Variants in TRDN observed in about 807,000 individuals in gnomAD.
The protein encoded by TRDN is triadin in skeletal muscle.
TRDN carries 161 observed loss-of-function variants against 149.7 expected under a neutral mutation model. That is an observed-to-expected ratio of 1.08 (90% CI 0.95 to 1.23). TRDN has a LOEUF of 1.23. Among genes scored for constraint, TRDN ranks in the 50% most tolerant of loss-of-function variants. The pLI is 0.00. For missense variants in TRDN, 896 were observed against 823.5 expected, an observed-to-expected ratio of 1.09 and a Z score of -1.08; for synonymous variants, 294 against 250.5, an observed-to-expected ratio of 1.17 and a Z score of -1.64.
intron 10 of TRDN, among the ~76,000 whole-genome samples, chr6:123,454,854 A>G (rs1202853876): frequency 6.6e-6 from 1 of 152,028 alleles, no homozygotes; most frequent in African/African-American, 2.4e-5. Context: ...CCCTCCTCTC[A>G]CCCCTGTCCC....
chr6:123,382,121 C>G lies in TRDN; in HGVS notation c.1162G>C (p.Glu388Gln). Residue 388 changes from glutamate (E) to glutamine (Q), a missense_variant, in exon 15 of 41, where the codon GAA becomes CAA. By Grantham distance (29) the Glu-to-Gln change is conservative (BLOSUM62 2). Coordinates refer to ENST00000334268, the MANE Select transcript of TRDN (RefSeq NM_006073.4). ...AAAAAAGAAATATGTCCAGTACCTTCTGCAGGTTTTTTTGTTTTCTTGGAA... is the reference window on the plus strand; with the variant it reads ...AAAAAAGAAATATGTCCAGTACCTTGTGCAGGTTTTTTTGTTTTCTTGGAA... Reference protein sequence around the residue: ...EDSKKTKKPAEVEQPKGKKQE... With the variant: ...EDSKKTKKPAQVEQPKGKKQE... 1 of 1,496,692 alleles carries G rather than the reference C, an allele frequency of 6.7e-7. No individual in the cohort carries two copies. The highest frequency in any genetic ancestry group is 8.9e-7 in the Non-Finnish European group (1 of 1,122,434). The allele number at this position is 1,496,692 out of a possible 1,614,324, so 92.7% of individuals were successfully genotyped here. A position where few individuals can be genotyped will look rare whatever the true frequency, so the allele number is the denominator to read the frequency against.
chr6:123,509,312 A>T (rs1306256392), intron 7 of TRDN: 1 of 152,082 alleles, frequency 6.6e-6, no homozygotes, highest in African/African-American at 2.4e-5. Flanking sequence ...TTGTGCAATC[A>T]TCTTCCCTTC....
At chr6:123,246,884 C>T (rs1776201663) in intron 38 of TRDN, among the ~76,000 whole-genome samples, 1 of 152,064 alleles carries the variant, frequency 6.6e-6, no homozygotes, top group Admixed American at 6.6e-5. Context: ...TCCAGCAGCA[C>T]ATCAAAAAGT....
At chr6:123,336,418 C>T (rs1464707819) in intron 22 of TRDN, among the ~76,000 whole-genome samples, 1 of 151,856 alleles carries the variant, frequency 6.6e-6, no homozygotes, top group East Asian at 1.9e-4. Flanking sequence ...GTAGATGCAC[C>T]ACTTTTGGAC....
intron 38 of TRDN, among the ~76,000 whole-genome samples, chr6:123,240,295 G>A (rs1010502913): frequency 3.4e-4 from 51 of 151,630 alleles, no homozygotes; most frequent in African/African-American, 1.2e-3. Context: ...AAGAGGGATA[G>A]GAAATTCACA....
rs190183902 is a variant in TRDN, at chr6:123,583,457, A to G, written c.23-12325T>C. 2.6e-5 allele frequency among the ~76,000 whole-genome samples: 4 copies of G among 152,112 alleles called. No homozygotes were observed. In the East Asian group the frequency reaches 7.7e-4, roughly 29 times the overall value. ...AGGGAAAGTCATAAAAGTATTATCC[A>G]GTCCTTTTTAAGTTGGTGGCTGAGC... On this transcript the variant is annotated intron_variant, in intron 1 of 40. Transcript: ENST00000334268.
At chr6:123,460,467 A>T (rs945960808) in intron 10 of TRDN, among the ~76,000 whole-genome samples, 13 of 152,104 alleles carry the variant, frequency 8.5e-5, no homozygotes, top group South Asian at 2.1e-4. Context: ...TTTGGTTTAT[A>T]TATTTTATCA....
intron 2 of TRDN, among the ~76,000 whole-genome samples, chr6:123,565,806 C>A (rs2114517286): frequency 6.6e-6 from 1 of 152,284 alleles, no homozygotes; most frequent in Admixed American, 6.5e-5. Context: ...GCGTGCAGTT[C>A]CGTGGGGGAA....
Position 123,322,457 on chromosome 6 carries a change from A to G in TRDN, c.1472-5962T>C, listed in dbSNP as rs534668252. On this transcript the variant is annotated intron_variant, in intron 23 of 40. Coordinates refer to ENST00000334268, the MANE Select transcript of TRDN (RefSeq NM_006073.4). Reference sequence around the variant, plus strand: ...ATTATCTCAGGAATTTGTGGCTAGAATTAGACTAAATGATTTAACAAATAT... The same window carrying G: ...ATTATCTCAGGAATTTGTGGCTAGAGTTAGACTAAATGATTTAACAAATAT... Among the ~76,000 whole-genome samples the G allele has an allele frequency of 2.0e-3, 305 of 152,200 alleles. 1 individual carries two copies. Among genetic ancestry groups the G allele is most frequent in the Middle Eastern group, 6.8e-3 (2 of 294 alleles).
intron 1 of TRDN, among the ~76,000 whole-genome samples, chr6:123,585,134 TG>T (rs1783390222): frequency 7.4e-6 from 1 of 134,980 alleles, no homozygotes; most frequent in Non-Finnish European, 1.7e-5. Flanking sequence ...CTTATACTTG[TG>T]GGTTAAGGTG....
intron 12 of TRDN, among the ~76,000 whole-genome samples, chr6:123,437,050 C>T (rs1255017476): frequency 5.3e-5 from 8 of 152,034 alleles, no homozygotes; most frequent in African/African-American, 1.5e-4. Context: ...TAACCTGAAT[C>T]GAAGCCAATA....
intron 24 of TRDN, among the ~76,000 whole-genome samples, chr6:123,289,128 TAAA>T (rs1258005650): frequency 6.8e-6 from 1 of 146,952 alleles, no homozygotes; most frequent in East Asian, 2.0e-4. Flanking sequence ...TGTATATATA[TAAA>T]ATATGTTATA....
chr6:123,582,671 G>A (rs1783190361), intron 1 of TRDN, among the ~76,000 whole-genome samples: 6 of 152,052 alleles, frequency 3.9e-5, no homozygotes, highest in Admixed American at 1.3e-4. Flanking sequence ...AGGAACCCGC[G>A]ATCTGGATGT....
At chr6:123,362,077 T>C (rs1316116362) in intron 20 of TRDN, among the ~76,000 whole-genome samples, 1 of 152,212 alleles carries the variant, frequency 6.6e-6, no homozygotes, top group East Asian at 1.9e-4. Flanking sequence ...TTATTAAGAA[T>C]ATTAACAATA....
chr6:123,583,618 T>A (rs111946780), intron 1 of TRDN, among the ~76,000 whole-genome samples: 1 of 150,346 alleles, frequency 6.7e-6, no homozygotes, highest in South Asian at 2.1e-4. Context: ...AATAAAAGCT[T>A]GTCTGTTATC....
chr6:123,374,385 G>A (rs1353135507), intron 19 of TRDN, among the ~76,000 whole-genome samples: 1 of 152,016 alleles, frequency 6.6e-6, no homozygotes, highest in East Asian at 1.9e-4. Flanking sequence ...AGATTTGTTT[G>A]ATATATTTTC....
intron 1 of TRDN, among the ~76,000 whole-genome samples, chr6:123,583,504 A>C (rs1783244376): frequency 6.6e-6 from 1 of 151,510 alleles, no homozygotes; most frequent in Admixed American, 6.6e-5. Flanking sequence ...TGTTTTTAAA[A>C]GACCTTTAGT....
intron 14 of TRDN, among the ~76,000 whole-genome samples, chr6:123,385,144 C>T (rs1410622902): frequency 6.6e-6 from 1 of 151,984 alleles, no homozygotes; most frequent in African/African-American, 2.4e-5. Context: ...AAATGAAATA[C>T]CAGCTGGGCG....
At chr6:123,279,923 C>T (rs1197399074) in intron 24 of TRDN, among the ~76,000 whole-genome samples, 4 of 152,002 alleles carry the variant, frequency 2.6e-5, no homozygotes, top group Non-Finnish European at 5.9e-5. Flanking sequence ...CTAATTACTC[C>T]TCATACTGGA....
Sources: allele counts gnomAD v4.1 joint callset (sites outside exome capture counted in the v4.1 genomes callset), GRCh38; gene constraint gnomAD v4.1.1; transcripts MANE v1.5; gene names NCBI Gene and HGNC (gene_info 2026-07-23, HGNC 2026-07-21).